Variants in WASHC4 observed in about 807,000 individuals in gnomAD.
WASHC4 encodes the protein WASH complex subunit 4.
A neutral mutation model predicts 166.6 loss-of-function variants in WASHC4; 86 were observed. The observed-to-expected ratio is 0.52, with a 90% CI of 0.43 to 0.62. The LOEUF is 0.62. Ranked by LOEUF, WASHC4 falls within the 20% of genes least tolerant of loss-of-function variation. The pLI is 0.00. For missense variants in WASHC4, 1,262 were observed against 1,382.4 expected (o/e 0.91, Z 1.38); for synonymous variants, 446 against 451.6 (o/e 0.99, Z 0.16).
rs36080234 is a variant in WASHC4, at chr12:105,109,649, C to CTTTTTTT, written c.62-1461_62-1455dup. On this transcript the variant is annotated intron_variant, in intron 1 of 32. Transcript: ENST00000332180. ...TGGCGTGGTGTTTCTCTAGCATTGT[C>CTTTTTTT]TTTTTTTTTTTTTTTTTTTTTCGAG... 9.2e-5 allele frequency among the ~76,000 whole-genome samples: 9 copies of CTTTTTTT among 97,596 alleles called. 1 individual carries two copies. Among genetic ancestry groups the CTTTTTTT allele is most frequent in the African/African-American group, 2.4e-4 (6 of 25,286 alleles). The allele number at this position is 97,596 out of a possible 152,430, so 64.0% of individuals were successfully genotyped here. A position where few individuals can be genotyped will look rare whatever the true frequency, so the allele number is the denominator to read the frequency against.
intron 24 of WASHC4, chr12:105,147,768 G>T (rs1002670951): frequency 3.7e-5 from 13 of 347,474 alleles, no homozygotes; most frequent in African/African-American, 2.9e-4. Flanking sequence ...AGCCAGGCGT[G>T]GTGGCGGGCG....
chr12:105,148,653 T>A, intron 24 of WASHC4: 1 of 985,360 alleles, frequency 1.0e-6, no homozygotes, highest in Non-Finnish European at 1.2e-6. Flanking sequence ...AGTACAATGT[T>A]TAAGCTACAA....
chr12:105,142,194 T>C (rs1882923307), intron 18 of WASHC4, among the ~76,000 whole-genome samples: 1 of 152,134 alleles, frequency 6.6e-6, no homozygotes, highest in Non-Finnish European at 1.5e-5. Context: ...TTGAATATTA[T>C]GCATATCATT....
chr12:105,125,937 T>G, intron 10 of WASHC4, 67 bp from the exon 11 acceptor site: 88 of 1,451,898 alleles, frequency 6.1e-5, no homozygotes, highest in Non-Finnish European at 7.3e-5. Flanking sequence ...ATTTAGTGTA[T>G]GATATTTAAA....
intron 32 of WASHC4, among the ~76,000 whole-genome samples, chr12:105,165,040 T>C (rs1884727053): frequency 6.6e-6 from 1 of 152,218 alleles, no homozygotes; most frequent in Non-Finnish European, 1.5e-5. Context: ...CTCAAACTAT[T>C]AGATTTGAAG....
intron 13 of WASHC4, among the ~76,000 whole-genome samples, chr12:105,132,717 A>G (rs1004762601): frequency 6.6e-6 from 1 of 151,690 alleles, no homozygotes; most frequent in Non-Finnish European, 1.5e-5. Context: ...TTCTCTGTGT[A>G]GCAGTTTCTT....
Position 105,111,144 on chromosome 12 carries a change from A to G in WASHC4, c.81A>G (p.Gln27=), listed in dbSNP as rs779613567. The change falls in exon 2 of 33, where the codon CAA becomes CAG. Residue 27 remains glutamine, a synonymous_variant. Coordinates refer to ENST00000332180, the MANE Select transcript of WASHC4 (RefSeq NM_015275.3). The part of the protein sequence containing the change: ...DGSQKIHAEV[Q]LKNYGKFLEE... Reference sequence around the variant, plus strand: ...ACTTAGAAATTCATGCCGAAGTCCAACTTAAGAATTATGGGAAATTTCTTG... The same window carrying G: ...ACTTAGAAATTCATGCCGAAGTCCAGCTTAAGAATTATGGGAAATTTCTTG... 2 of 1,606,738 alleles carry G rather than the reference A, an allele frequency of 1.2e-6. No homozygotes were observed. Among genetic ancestry groups the G allele is most frequent in the Non-Finnish European group, 1.7e-6 (2 of 1,174,138 alleles).
intron 1 of WASHC4, among the ~76,000 whole-genome samples, chr12:105,110,027 G>A (rs773168183): frequency 3.3e-5 from 5 of 152,178 alleles, no homozygotes; most frequent in Admixed American, 6.5e-5. Flanking sequence ...GTAAGCTGTA[G>A]GGAAGAGAAC....
chr12:105,164,367 T>C (rs1731993074), intron 31 of WASHC4, 60 bp downstream of exon 31: 1 of 1,429,934 alleles, frequency 7.0e-7, no homozygotes, highest in Non-Finnish European at 9.8e-7. Context: ...CCATGACTTC[T>C]TAATGTCTGA....
intron 32 of WASHC4, among the ~76,000 whole-genome samples, chr12:105,165,510 T>C (rs1032553983): frequency 1.6e-4 from 24 of 152,206 alleles, no homozygotes; most frequent in Non-Finnish European, 1.0e-4. Flanking sequence ...ATACAGCGAC[T>C]AGTTAACCCT....
rs369855750 is a variant in WASHC4, at chr12:105,121,180, A to G, written c.641A>G (p.Lys214Arg). ...ATTATTGATAATCATATCACACTGA[A>G]AGACCACTGGACTATGTACAAAAGG... ...DEIIDNHITL[K>R]DHWTMYKRLL... The change falls in exon 9 of 33, where the codon AAA becomes AGA. Residue 214 changes from lysine to arginine, a missense_variant. Lys to Arg is a conservative substitution (Grantham distance 26). Transcript: ENST00000332180. 219 of 1,599,330 alleles carry G rather than the reference A, an allele frequency of 1.4e-4. No homozygotes were observed. The highest frequency in any genetic ancestry group is 2.2e-4 in the Admixed American group (13 of 59,988).
chr12:105,127,277 A>C lies in WASHC4; in HGVS notation c.1187A>C (p.Gln396Pro), dbSNP rs750221482. Residue 396 changes from glutamine (Q) to proline (P), a missense_variant, in exon 13 of 33, where the codon CAA (glutamine) becomes CCA (proline). Gln to Pro is a moderately conservative substitution (Grantham distance 76, BLOSUM62 -1). Transcript: ENST00000332180. ...HRDTFLQQKA[Q>P]SLTKDVQSYY... The stretch of plus-strand genomic sequence containing the variant: ...GATACTTTTCTACAACAGAAAGCTC[A>C]ATCACTTACCAAGTAGGTTTTATAA... The C allele has an allele frequency of 6.0e-5, 97 of 1,608,220 alleles. No homozygotes were observed. The highest frequency in any genetic ancestry group is 8.2e-5 in the Non-Finnish European group (96 of 1,174,906).
chr12:105,149,191 C>CT, intron 24 of WASHC4: 4 of 985,260 alleles, frequency 4.1e-6, no homozygotes, highest in Non-Finnish European at 3.6e-6. Context: ...CAGGAAGGTT[C>CT]AGAGAACACC....
chr12:105,157,927 T>A (rs1884278196), intron 28 of WASHC4, among the ~76,000 whole-genome samples: 3 of 152,212 alleles, frequency 2.0e-5, no homozygotes, highest in Admixed American at 1.3e-4. Flanking sequence ...GCATGCAGAA[T>A]TGGTAAGAAT....
Position 105,156,693 on chromosome 12 carries a change from A to G in WASHC4, c.2759-33A>G, listed in dbSNP as rs373902489. On this transcript the variant is annotated intron_variant, in intron 26 of 32. Coordinates refer to ENST00000332180, the MANE Select transcript of WASHC4 (RefSeq NM_015275.3). ...CCTATTAGAATTTAGAGTTATTTAT[A>G]TAAATATCTGATTTTTTTGTGTGGT... 31 of 1,518,526 alleles carry G rather than the reference A, an allele frequency of 2.0e-5. No homozygotes were observed. In the African/African-American group the frequency reaches 2.6e-4, roughly 13 times the overall value. 94.1% of individuals were successfully genotyped at this position (1,518,526 alleles called of 1,614,324 possible).
At chr12:105,144,122 C>T (rs985437082) in intron 20 of WASHC4, among the ~76,000 whole-genome samples, 165 bp from the exon 21 acceptor site, 2 of 151,668 alleles carry the variant, frequency 1.3e-5, no homozygotes, top group African/African-American at 4.8e-5. Context: ...ATTTTCTTTT[C>T]AAGAGTATTA....
At chr12:105,109,855 C>T (rs754624431) in intron 1 of WASHC4, among the ~76,000 whole-genome samples, 6 of 152,104 alleles carry the variant, frequency 3.9e-5, no homozygotes, top group South Asian at 2.1e-4. Context: ...AGCGACCCAC[C>T]GGCCTTGGCC....
rs369147745 is a variant in WASHC4 at position 105,164,980 on chromosome 12, C to A, written c.3454+240C>A. Among the ~76,000 whole-genome samples the A allele has an allele frequency of 3.4e-4, 52 of 152,322 alleles. No homozygotes were observed. The South Asian group carries it at 0.01, about 30-fold the overall frequency. ...CCTTTAAAACCTTGTTCAGGATCATCTGCTTTTAATTTAAATACACTTTTC... is the reference window on the plus strand; with the variant it reads ...CCTTTAAAACCTTGTTCAGGATCATATGCTTTTAATTTAAATACACTTTTC... On this transcript the variant is annotated intron_variant, in intron 32 of 32. Coordinates refer to ENST00000332180, the MANE Select transcript of WASHC4 (RefSeq NM_015275.3).
intron 20 of WASHC4, among the ~76,000 whole-genome samples, chr12:105,143,948 A>G (rs1303624760): frequency 6.8e-6 from 1 of 147,004 alleles, no homozygotes; most frequent in East Asian, 2.0e-4. Context: ...AGCACAATGA[A>G]TTTTGTGATT....
Sources: gnomAD v4.1 joint callset for allele counts (sites outside exome capture counted in the v4.1 genomes callset) on GRCh38, gnomAD v4.1.1 for gene constraint, MANE v1.5 for transcripts, NCBI Gene and HGNC (gene_info 2026-07-23, HGNC 2026-07-21) for gene names.